Variants in PLOD3 observed in about 807,000 individuals in gnomAD.
The protein encoded by PLOD3 is multifunctional procollagen lysine hydroxylase and glycosyltransferase LH3.
A neutral mutation model predicts 96.9 loss-of-function variants in PLOD3; 73 were observed. The observed-to-expected ratio is 0.75, with a 90% CI of 0.62 to 0.92. The LOEUF is 0.92. PLOD3 is among the 40% of genes least tolerant of loss of function. The pLI, the probability that PLOD3 is intolerant of heterozygous loss-of-function variation, is 0.00. For synonymous variants in PLOD3, 454 were observed against 413.7 expected (o/e 1.10, Z -1.18); for missense variants, 1,004 against 1,004.3 (o/e 1.00, Z 0.00).
At position 101,210,652 on chromosome 7, in the gene PLOD3, G is replaced by C. The variant is rs756035426; in HGVS notation, c.1380C>G (p.Tyr460Ter). ...CCCGGATCACATAGGCCTGGGAGAT[G>C]TATGGTACATTCCACACACCCCTGG... ...RKRVGVWNVPYISQAYVIRGD... is the reference protein window; with the variant it reads ...RKRVGVWNVP Residue 460 changes from tyrosine to a stop codon, truncating the protein, a stop_gained, in exon 13 of 19, where the codon TAC becomes TAG. Transcript: ENST00000223127. LOFTEE classifies it high-confidence loss of function. 1 of 1,613,996 alleles carries C rather than the reference G, an allele frequency of 6.2e-7. No individual in the cohort carries two copies. The highest frequency in any genetic ancestry group is 8.5e-7 in the Non-Finnish European group (1 of 1,180,044).
intron 6 of PLOD3, chr7:101,213,544 T>C: frequency 3.3e-6 from 1 of 300,062 alleles, no homozygotes; most frequent in South Asian, 3.2e-5. Flanking sequence ...TGAGATGGAG[T>C]CTCACTCTGT....
At position 101,212,903 on chromosome 7, in the gene PLOD3, C is replaced by T. The variant is rs767861354; in HGVS notation, c.818G>A (p.Trp273Ter). 2 of 1,613,828 alleles carry T rather than the reference C, an allele frequency of 1.2e-6. No homozygotes were observed. Among genetic ancestry groups the T allele is most frequent in the South Asian group, 2.2e-5 (2 of 91,058 alleles). ...NYLGNYVPNG[W>*]TPEGGCGFCN... is the part of the protein sequence containing the mutation. ...GAAGCCACAGCCTCCCTCAGGAGTC[C>T]AGCCATTGGGGACGTAGTTTCCCAG... is the stretch of plus-strand genomic sequence containing the variant. The change falls in exon 8 of 19, where the codon TGG (tryptophan) becomes TAG (stop). Residue 273 changes from tryptophan to a stop codon, truncating the protein, a stop_gained. Coordinates refer to ENST00000223127, the MANE Select transcript of PLOD3 (RefSeq NM_001084.5). LOFTEE classifies it high-confidence loss of function.
At chr7:101,209,485 C>A (rs1798145965) in intron 15 of PLOD3, among the ~76,000 whole-genome samples, 1 of 151,628 alleles carries the variant, frequency 6.6e-6, no homozygotes, top group Admixed American at 6.6e-5. Flanking sequence ...TCAAGCGATT[C>A]TCCCACCTCA....
intron 18 of PLOD3, 111 bp downstream of exon 18, chr7:101,206,668 G>A (rs931470970): frequency 4.6e-6 from 6 of 1,301,382 alleles, no homozygotes; most frequent in Non-Finnish European, 6.5e-6. Context: ...TACCCACAAA[G>A]TCACTGGGAA....
At position 101,206,068 on chromosome 7, in the gene PLOD3, G is replaced by T; in HGVS notation, c.*213C>A. 1.6e-6 allele frequency: 1 copy of T among 634,642 alleles called. No homozygotes were observed. Among genetic ancestry groups the T allele is most frequent in the Non-Finnish European group, 2.8e-6 (1 of 356,476 alleles). The allele number at this position is 634,642 out of a possible 1,614,324, so 39.3% of individuals were successfully genotyped here. A position where few individuals can be genotyped will look rare whatever the true frequency, so the allele number is the denominator to read the frequency against. On this transcript the variant is annotated 3_prime_UTR_variant, in exon 19 of 19. Coordinates refer to ENST00000223127, the MANE Select transcript of PLOD3 (RefSeq NM_001084.5). ...GAGTCCCCAGAAGCCCTGTGCCCAC[G>T]AACCCCTGTGGGCGGAGGAGAGAGG...
rs569807753 is a variant in PLOD3 at position 101,216,033 on chromosome 7, G to A, written c.503-13C>T. 2 of 1,611,696 alleles carry A rather than the reference G, an allele frequency of 1.2e-6. No individual in the cohort carries two copies. ...AAACCGATGAATCCTGGCGGGGAGG[G>A]GGAGTGTTGACCTCGAGACTCCCAG... On this transcript the variant is annotated splice_polypyrimidine_tract_variant and intron_variant, in intron 4 of 18. Transcript: ENST00000223127.
intron 17 of PLOD3, 46 bp from the exon 18 acceptor site, chr7:101,206,950 G>C (rs1798096233): frequency 6.5e-7 from 1 of 1,545,136 alleles, no homozygotes; most frequent in African/African-American, 1.4e-5. Context: ...TGCGGGCGCA[G>C]GGGGTCTTTT....
chr7:101,208,800 T>A, intron 16 of PLOD3, 53 bp downstream of exon 16: 1 of 1,175,026 alleles, frequency 8.5e-7, no homozygotes, highest in Non-Finnish European at 1.3e-6. Context: ...GTTTACCAGA[T>A]CCTGCACCTC....
intron 9 of PLOD3, 22 bp downstream of exon 9, chr7:101,212,508 G>A: frequency 1.9e-6 from 3 of 1,613,120 alleles, no homozygotes; most frequent in Non-Finnish European, 2.5e-6. Flanking sequence ...CCTCAGGAGA[G>A]GCTCCAACAG....
intron 17 of PLOD3, 64 bp from the exon 18 acceptor site, chr7:101,206,968 A>G (rs756998581): frequency 5.3e-6 from 8 of 1,508,332 alleles, no homozygotes; most frequent in Non-Finnish European, 7.2e-6. Context: ...TTTATTTTGT[A>G]TTATTATTAT....
Position 101,210,343 on chromosome 7 carries a change from G to C in PLOD3, c.1602C>G (p.Phe534Leu), listed in dbSNP as rs768164152. The change falls in exon 14 of 19, where the codon TTC becomes TTG. Residue 534 changes from phenylalanine (F) to leucine (L), a missense_variant. By Grantham distance (22) the Phe-to-Leu change is conservative. Transcript: ENST00000223127. ...EHLHPDLWQIFDNPVDWKEQY... is the reference protein window; with the variant it reads ...EHLHPDLWQILDNPVDWKEQY... ...GGTCCCCACTCACGACGGGGTTGTC[G>C]AAGATCTGCCAGAGGTCGGGGTGCA... The C allele has an allele frequency of 6.2e-7, 1 of 1,613,884 alleles. No individual in the cohort carries two copies. Among genetic ancestry groups the C allele is most frequent in the Non-Finnish European group, 8.5e-7 (1 of 1,179,768 alleles).
At chr7:101,210,904 G>T in intron 12 of PLOD3, 1 of 536,892 alleles carries the variant, frequency 1.9e-6, no homozygotes, top group Admixed American at 3.1e-5. Context: ...TTTTTGAGAC[G>T]GAGTCTTGCT....
Position 101,215,896 on chromosome 7 carries a change from T to C in PLOD3, c.615+12A>G. 1 of 1,577,132 alleles carries C rather than the reference T, an allele frequency of 6.3e-7. No homozygotes were observed. Among genetic ancestry groups the C allele is most frequent in the South Asian group, 1.1e-5 (1 of 90,408 alleles). ...GAGCTGCGGGATGCGCCCACTCCTC[T>C]GCCTTCCCTACCCTCAGTCCTGGGT... is the stretch of plus-strand genomic sequence containing the variant. On this transcript the variant is annotated intron_variant, in intron 5 of 18. Coordinates refer to ENST00000223127, the MANE Select transcript of PLOD3 (RefSeq NM_001084.5).
rs749921338 is a variant in PLOD3, at chr7:101,211,595, G to A, written c.1354C>T (p.Arg452Ter). Residue 452 changes from arginine to a stop codon, truncating the protein, a stop_gained, in exon 12 of 19, where the codon CGA becomes TGA. Transcript: ENST00000223127. LOFTEE classifies it high-confidence loss of function. ...EDYVELVQRK[R>*]VGVWNVPYIS... The stretch of plus-strand genomic sequence containing the variant: ...CTGCAGGCTGGCGGGACTCACACTC[G>A]CTTCCGCTGCACCAGCTCCACGTAG... The A allele has an allele frequency of 2.5e-6, 4 of 1,599,280 alleles. No individual in the cohort carries two copies. The highest frequency in any genetic ancestry group is 2.7e-5 in the African/African-American group (2 of 74,832).
At position 101,213,123 on chromosome 7, in the gene PLOD3, C is replaced by T; in HGVS notation, c.761G>A (p.Gly254Glu). Residue 254 changes from glycine to glutamate, a missense_variant, in exon 7 of 19, where the codon GGA becomes GAA. Around this residue, in one of 5 missense-constraint regions of PLOD3, gnomAD observed 690 missense variants for 650.2 expected, o/e 1.06. Coordinates refer to ENST00000223127, the MANE Select transcript of PLOD3 (RefSeq NM_001084.5). ...AYDTLPIVVH[G>E]NGPTKLQLNY... is the part of the protein sequence containing the mutation. ...TGGTGGCACCTTAGTGGGACCGTTT[C>T]CATGGACCACAATGGGGAGCGTGTC... 1 of 1,612,698 alleles carries T rather than the reference C, an allele frequency of 6.2e-7. No homozygotes were observed. The highest frequency in any genetic ancestry group is 8.5e-7 in the Non-Finnish European group (1 of 1,178,834).
rs2116802627 is a variant in PLOD3, at chr7:101,211,692, G to A, written c.1257C>T (p.Ser419=). The change falls in exon 12 of 19, where the codon TCC becomes TCT. Residue 419 remains serine (S), a synonymous_variant. Transcript: ENST00000223127. The part of the protein sequence containing the change: ...ENRKVIAPML[S]RHGKLWSNFW... ...AGTTGGACCACAGCTTGCCGTGGCG[G>A]GACAGCATGGGGGCGATCACCTTCC... 1 of 1,606,584 alleles carries A rather than the reference G, an allele frequency of 6.2e-7. No homozygotes were observed. Among genetic ancestry groups the A allele is most frequent in the Non-Finnish European group, 8.5e-7 (1 of 1,177,192 alleles).
At position 101,216,708 on chromosome 7, in the gene PLOD3, T is replaced by C. The variant is rs1249409241; in HGVS notation, c.188A>G (p.Asn63Ser). Residue 63 changes from asparagine to serine, a missense_variant, in exon 2 of 19, where the codon AAC becomes AGC. Asn to Ser is a conservative substitution (Grantham distance 46). Around this residue, in one of 5 missense-constraint regions of PLOD3, gnomAD observed 690 missense variants for 650.2 expected, o/e 1.06. Transcript: ENST00000223127. ...LRFLRSAEFF[N>S]YTVRTLGLGE... Reference sequence around the variant, plus strand: ...CCCTCTCCTCACCCGCACAGTGTAGTTGAAGAACTCCGCAGAGCGCAGGAA... The same window carrying C: ...CCCTCTCCTCACCCGCACAGTGTAGCTGAAGAACTCCGCAGAGCGCAGGAA... 1 of 1,613,656 alleles carries C rather than the reference T, an allele frequency of 6.2e-7. No individual in the cohort carries two copies. Among genetic ancestry groups the C allele is most frequent in the Non-Finnish European group, 8.5e-7 (1 of 1,179,666 alleles).
intron 6 of PLOD3, among the ~76,000 whole-genome samples, chr7:101,213,955 T>G (rs1798229391): frequency 6.6e-6 from 1 of 152,014 alleles, no homozygotes; most frequent in Non-Finnish European, 1.5e-5. Context: ...TGCCTCGGCC[T>G]CCCAAAGTGC....
At position 101,212,284 on chromosome 7, in the gene PLOD3, G is replaced by A. The variant is rs1339700765; in HGVS notation, c.1096C>T (p.Leu366=). 6.2e-6 allele frequency: 10 copies of A among 1,613,508 alleles called. No individual in the cohort carries two copies. Among genetic ancestry groups the A allele is most frequent in the Non-Finnish European group, 8.5e-6 (10 of 1,180,002 alleles). ...AVKLVGPEEA[L]SPGEARDMAM... is the part of the protein sequence containing the mutation. ...ATGTCCCTGGCCTCGCCTGGGCTCA[G>A]AGCCTCCTCCGGCCCCACGAGCTTC... The change falls in exon 10 of 19, where the codon CTG becomes TTG. Residue 366 remains leucine (L), a synonymous_variant. Coordinates refer to ENST00000223127, the MANE Select transcript of PLOD3 (RefSeq NM_001084.5).
Sources: gnomAD v4.1 joint callset for allele counts (sites outside exome capture counted in the v4.1 genomes callset) on GRCh38, gnomAD v4.1.1 for gene constraint, gnomAD v4.1.1 regional missense constraint, MANE v1.5 for transcripts, NCBI Gene and HGNC (gene_info 2026-07-23, HGNC 2026-07-21) for gene names.